The following DLGAP4 variants were observed in gnomAD, a reference collection of about 807,000 sequenced individuals.
DLGAP4 encodes the protein DLG associated protein 4.
In DLGAP4, 18 loss-of-function variants were observed where a neutral mutation model predicts 86.9. The observed-to-expected ratio is 0.21, with a 90% confidence interval of 0.14 to 0.31. The LOEUF (loss-of-function observed/expected upper bound fraction) is 0.31. Ranked by LOEUF, DLGAP4 falls within the 10% of genes least tolerant of loss-of-function variation. The pLI is 1.00. For synonymous variants in DLGAP4, 548 were observed against 574.3 expected, an observed-to-expected ratio of 0.95 and a Z score of 0.65; for missense variants, 1,085 against 1,362.6, an observed-to-expected ratio of 0.80 and a Z score of 3.21.
chr20:36,310,018 TG>T (rs1307524845), intron 1 of DLGAP4, among the ~76,000 whole-genome samples: 4 of 151,572 alleles, frequency 2.6e-5, no homozygotes, highest in Non-Finnish European at 5.9e-5. Flanking sequence ...TGGAGAATAG[TG>T]GGGAAGGACA....
At chr20:36,395,360 C>T (rs535438690) in intron 2 of DLGAP4, among the ~76,000 whole-genome samples, 4 of 152,264 alleles carry the variant, frequency 2.6e-5, no homozygotes, top group East Asian at 3.9e-4. Flanking sequence ...CTGCTGTATC[C>T]GAGAGCTTTG....
intron 2 of DLGAP4, among the ~76,000 whole-genome samples, chr20:36,409,867 A>G (rs1205662530): frequency 2.0e-5 from 3 of 151,364 alleles, no homozygotes; most frequent in Non-Finnish European, 4.4e-5. Context: ...CCCCGTCTCT[A>G]CTAAAAATAC....
At chr20:36,316,697 C>G (rs1440138740) in intron 1 of DLGAP4, among the ~76,000 whole-genome samples, 2 of 152,152 alleles carry the variant, frequency 1.3e-5, no homozygotes, top group African/African-American at 4.8e-5. Context: ...GGCAGCCCAG[C>G]TCACCAGCCC....
intron 2 of DLGAP4, among the ~76,000 whole-genome samples, chr20:36,422,566 G>C (rs1444194228): frequency 6.6e-6 from 1 of 152,178 alleles, no homozygotes; most frequent in African/African-American, 2.4e-5. Flanking sequence ...GAAGGTTCTG[G>C]CTTAAGGGAA....
chr20:36,439,936 C>A, intron 5 of DLGAP4, 68 bp downstream of exon 5: 1 of 1,363,286 alleles, frequency 7.3e-7, no homozygotes, highest in Non-Finnish European at 1.0e-6. Context: ...GAGGAGGACA[C>A]ACGCCCAGGC....
intron 7 of DLGAP4, among the ~76,000 whole-genome samples, chr20:36,492,175 A>G (rs561749718): frequency 2.5e-3 from 377 of 152,294 alleles, no homozygotes; most frequent in African/African-American, 8.9e-3. Context: ...TTTCCTCACT[A>G]TATTTCCTGC....
intron 7 of DLGAP4, among the ~76,000 whole-genome samples, chr20:36,473,987 C>G (rs113472161): frequency 0.039 from 5,988 of 152,324 alleles, 435 homozygotes; most frequent in African/African-American, 0.14. Context: ...AGGTACTTAA[C>G]CTCTCTGGGC....
At chr20:36,504,990 CT>C (rs757067668) in intron 10 of DLGAP4, among the ~76,000 whole-genome samples, 189 of 140,108 alleles carry the variant, frequency 1.3e-3, no homozygotes, top group Middle Eastern at 3.7e-3. Flanking sequence ...CACACAGGTT[CT>C]TTTTTTTTTT....
rs1272203026 is a variant in DLGAP4 at position 36,431,884 on chromosome 20, G to A, written c.167G>A (p.Gly56Asp). The change falls in exon 3 of 13, where the codon GGC becomes GAC. Residue 56 changes from glycine (G) to aspartate (D), a missense_variant. Gly to Asp is a moderately conservative substitution (Grantham distance 94). Coordinates refer to ENST00000339266, the MANE Select transcript of DLGAP4 (RefSeq NM_001365621.2). The surrounding 1 kb of genome is among the most constrained non-coding windows in gnomAD (Gnocchi z 5.1). ...GGGCAGAACACCCTGCCAGGAGATG[G>A]CCTCTTTCCCCTCAACAACCAGCTG... ...FPGQNTLPGD[G>D]LFPLNNQLPP... is the part of the protein sequence containing the mutation. 6 of 1,613,968 alleles carry A rather than the reference G, an allele frequency of 3.7e-6. No homozygotes were observed. The highest frequency in any genetic ancestry group is 5.1e-6 in the Non-Finnish European group (6 of 1,179,984).
chr20:36,499,231 T>TG, intron 8 of DLGAP4: 1 of 1,604,978 alleles, frequency 6.2e-7, no homozygotes, highest in South Asian at 1.1e-5. Context: ...TTCTCTCTGA[T>TG]GCGTGTGAAG....
At chr20:36,518,139 T>A (rs2037151849) in intron 10 of DLGAP4, among the ~76,000 whole-genome samples, 1 of 152,086 alleles carries the variant, frequency 6.6e-6, no homozygotes, top group South Asian at 2.1e-4. Context: ...GGAGAATTGC[T>A]TGAACTCGGG....
At chr20:36,320,135 CCTCTCCCAGGCCCCCCTCTGTGTCTTT>C (rs1358616039) in intron 1 of DLGAP4, among the ~76,000 whole-genome samples, 1,317 of 111,824 alleles carry the variant, frequency 0.012, 26 homozygotes, top group African/African-American at 0.02. Flanking sequence ...TCTGTGTCTT[CCTCTCCCAGGCCCCCCTCTGTGTCTTT>C]CTCTCCCAGG....
chr20:36,354,937 G>T (rs1555893718), intron 1 of DLGAP4, among the ~76,000 whole-genome samples: 1 of 152,104 alleles, frequency 6.6e-6, no homozygotes, highest in East Asian at 1.9e-4. Flanking sequence ...GTGAGACCCT[G>T]TCTACAGAAA....
intron 2 of DLGAP4, among the ~76,000 whole-genome samples, chr20:36,384,125 A>G (rs2031510580): frequency 6.6e-6 from 1 of 151,590 alleles, no homozygotes; most frequent in South Asian, 2.1e-4. Context: ...GGATTTTGAC[A>G]CTTTGACCTT....
At chr20:36,465,543 TC>T (rs1210468958) in intron 7 of DLGAP4, among the ~76,000 whole-genome samples, 1 of 152,152 alleles carries the variant, frequency 6.6e-6, no homozygotes, top group Non-Finnish European at 1.5e-5. Context: ...CTGGGTCTGT[TC>T]CCATCTGTTC....
chr20:36,416,779 C>T (rs567927517), intron 2 of DLGAP4, among the ~76,000 whole-genome samples: 43 of 152,176 alleles, frequency 2.8e-4, no homozygotes, highest in Middle Eastern at 6.8e-3. Flanking sequence ...ACAGAAACGC[C>T]AGCCTAGCCT....
At chr20:36,346,177 G>A (rs1368400608) in intron 1 of DLGAP4, among the ~76,000 whole-genome samples, 2 of 152,218 alleles carry the variant, frequency 1.3e-5, no homozygotes, top group African/African-American at 2.4e-5. Context: ...GCCTCACCAA[G>A]ACCACTGGGA....
Position 36,432,673 on chromosome 20 carries a change from A to G in DLGAP4, c.956A>G (p.Lys319Arg). ...GCCACCTTGGATAAGAGCCTGCTCA[A>G]GTCCAAATCCTGCCACCAGGGTCTA... ...TSATLDKSLL[K>R]SKSCHQGLAY... Residue 319 changes from lysine to arginine, a missense_variant, in exon 3 of 13, where the codon AAG becomes AGG. This residue lies in a region of DLGAP4 where 1,082 missense variants were observed against 1,344.1 expected (regional missense o/e 0.81). Transcript: ENST00000339266. This position sits in a 1 kb window ranked among gnomAD's most constrained non-coding sequence, Gnocchi z 6.5. The G allele has an allele frequency of 6.2e-7, 1 of 1,613,548 alleles. No homozygotes were observed. The highest frequency in any genetic ancestry group is 8.5e-7 in the Non-Finnish European group (1 of 1,179,816).
intron 7 of DLGAP4, among the ~76,000 whole-genome samples, chr20:36,467,011 CTCTCTCCTCTCT>C (rs2034407252): frequency 7.5e-6 from 1 of 132,546 alleles, no homozygotes; most frequent in Non-Finnish European, 1.6e-5. Flanking sequence ...CTCTCTCTCT[CTCTCTCCTCTCT>C]CTCTCTCTCT....
Sources: allele counts gnomAD v4.1 joint callset (sites outside exome capture counted in the v4.1 genomes callset), GRCh38; gene constraint gnomAD v4.1.1; regional missense constraint gnomAD v4.1.1; non-coding constraint Gnocchi (gnomAD v3.1); transcripts MANE v1.5; gene names NCBI Gene and HGNC (gene_info 2026-07-23, HGNC 2026-07-21).